The following LGR5 variants were observed in gnomAD, a reference collection of about 807,000 sequenced individuals.
The protein encoded by LGR5 is leucine-rich repeat-containing G protein-coupled receptor 5.
LGR5 carries 54 observed loss-of-function variants against 76.7 expected under a neutral mutation model. That is an observed-to-expected ratio of 0.70 (90% CI 0.57 to 0.88). The LOEUF is 0.88. Ranked by LOEUF, LGR5 falls within the 40% of genes least tolerant of loss-of-function variation. The pLI, the probability that LGR5 is intolerant of heterozygous loss-of-function variation, is 0.00. For missense variants in LGR5, 1,078 were observed against 1,073.3 expected, an observed-to-expected ratio of 1.00 and a Z score of -0.06; for synonymous variants, 406 against 421.9, an observed-to-expected ratio of 0.96 and a Z score of 0.46.
chr12:71,493,780 T>TC, intron 1 of LGR5, among the ~76,000 whole-genome samples: 1 of 148,474 alleles, frequency 6.7e-6, no homozygotes, highest in South Asian at 2.1e-4. Context: ...CTTTTTTTTT[T>TC]TTTTTCGAGA....
At chr12:71,455,280 A>C (rs1261532954) in intron 1 of LGR5, among the ~76,000 whole-genome samples, 1 of 152,144 alleles carries the variant, frequency 6.6e-6, no homozygotes, top group Non-Finnish European at 1.5e-5. Flanking sequence ...TCCCTGCCTC[A>C]ATTTTTGTAT....
intron 2 of LGR5, among the ~76,000 whole-genome samples, chr12:71,509,230 T>C (rs17227160): frequency 0.092 from 14,062 of 152,216 alleles, 695 homozygotes; most frequent in Non-Finnish European, 0.11. Context: ...GTCTGCCTTT[T>C]AAGGTGTTTC....
chr12:71,558,600 CT>C (rs1358711863), intron 6 of LGR5, among the ~76,000 whole-genome samples: 1 of 152,198 alleles, frequency 6.6e-6, no homozygotes, highest in Non-Finnish European at 1.5e-5. Flanking sequence ...TGCAGTATAG[CT>C]TAAGGATGGT....
chr12:71,545,704 A>G (rs1877121735), intron 4 of LGR5, among the ~76,000 whole-genome samples: 1 of 152,066 alleles, frequency 6.6e-6, no homozygotes, highest in African/African-American at 2.4e-5. Flanking sequence ...TTTACTTCTT[A>G]TAGTTAATGG....
intron 2 of LGR5, among the ~76,000 whole-genome samples, chr12:71,519,156 C>A (rs928580142): frequency 2.0e-5 from 3 of 152,106 alleles, no homozygotes; most frequent in Admixed American, 1.3e-4. Context: ...TCCAGCCATG[C>A]TCGCCTCCTT....
At position 71,561,849 on chromosome 12, in the gene LGR5, C is replaced by G; in HGVS notation, c.854C>G (p.Thr285Arg). The change falls in exon 8 of 18, where the codon ACA becomes AGA. Residue 285 changes from threonine to arginine, a missense_variant. Physicochemically the swap from Thr to Arg is moderately conservative, Grantham distance 71 (BLOSUM62 -1). Coordinates refer to ENST00000266674, the MANE Select transcript of LGR5 (RefSeq NM_003667.4). ...TTTGTAGGCAACCCTTCTCTTATTA[C>G]AATGTAAGTGACCATAATGCTTTTC... ...KAFVGNPSLITIHFYDNPIQF... is the reference protein window; with the variant it reads ...KAFVGNPSLIRIHFYDNPIQF... 6.3e-7 allele frequency: 1 copy of G among 1,577,984 alleles called. No homozygotes were observed. Among genetic ancestry groups the G allele is most frequent in the Non-Finnish European group, 8.7e-7 (1 of 1,149,466 alleles).
intron 2 of LGR5, among the ~76,000 whole-genome samples, chr12:71,521,962 A>G (rs1479453906): frequency 6.6e-6 from 1 of 152,218 alleles, no homozygotes; most frequent in Non-Finnish European, 1.5e-5. Flanking sequence ...GAGCTGTCCA[A>G]ATGCTTTCCA....
chr12:71,577,003 C>G (rs1373357075), intron 13 of LGR5, among the ~76,000 whole-genome samples: 1 of 152,110 alleles, frequency 6.6e-6, no homozygotes, highest in Non-Finnish European at 1.5e-5. Context: ...CAGTTTCCTC[C>G]AGGAAAGGAG....
chr12:71,548,474 T>A (rs1877311111), intron 4 of LGR5, among the ~76,000 whole-genome samples: 1 of 152,196 alleles, frequency 6.6e-6, no homozygotes, highest in South Asian at 2.1e-4. Flanking sequence ...TGAAATTCAC[T>A]GACAATCCAG....
intron 1 of LGR5, among the ~76,000 whole-genome samples, chr12:71,496,354 G>T (rs1874315889): frequency 8.6e-6 from 1 of 116,508 alleles, no homozygotes; most frequent in Non-Finnish European, 1.6e-5. Context: ...GGCAACAGAG[G>T]AAGACTCCAT....
chr12:71,580,554 G>T (rs1879048573), intron 16 of LGR5, 131 bp downstream of exon 16: 1 of 870,014 alleles, frequency 1.1e-6, no homozygotes, highest in Admixed American at 2.5e-5. Context: ...CCAACAGTTT[G>T]GGAGGCCGAG....
At chr12:71,558,505 T>A (rs542744570) in intron 6 of LGR5, among the ~76,000 whole-genome samples, 19 of 152,354 alleles carry the variant, frequency 1.2e-4, no homozygotes, top group African/African-American at 4.3e-4. Flanking sequence ...AAGGGTCCAA[T>A]CCTTGTTTAA....
chr12:71,583,749 C>T lies in LGR5; in HGVS notation c.1739C>T (p.Ser580Leu), dbSNP rs1308137441. ...LALTCNALVTSTVFRSPLYIS... is the reference protein window; with the variant it reads ...LALTCNALVTLTVFRSPLYIS... ...CTTACTTGTAATGCTTTGGTGACTT[C>T]AACAGTTTTCAGATCCCCTCTGTAC... Residue 580 changes from serine (S) to leucine (L), a missense_variant, in exon 18 of 18, where the codon TCA (serine) becomes TTA (leucine). By Grantham distance (145) the Ser-to-Leu change is moderately radical. Transcript: ENST00000266674. 4 of 1,613,990 alleles carry T rather than the reference C, an allele frequency of 2.5e-6. No individual in the cohort carries two copies. The highest frequency in any genetic ancestry group is 3.4e-6 in the Non-Finnish European group (4 of 1,180,046).
At chr12:71,554,696 A>G (rs555344544) in intron 5 of LGR5, among the ~76,000 whole-genome samples, 1 of 152,258 alleles carries the variant, frequency 6.6e-6, no homozygotes, top group East Asian at 1.9e-4. Context: ...GTTAGGTCAG[A>G]TCTCTTTCAT....
At chr12:71,498,085 G>A (rs1473870815) in intron 1 of LGR5, among the ~76,000 whole-genome samples, 1 of 152,150 alleles carries the variant, frequency 6.6e-6, no homozygotes, top group Non-Finnish European at 1.5e-5. Context: ...AGGAGAAGCA[G>A]CAGTTAGTGG....
intron 17 of LGR5, chr12:71,583,324 A>G: frequency 3.9e-6 from 1 of 256,212 alleles, no homozygotes; most frequent in Admixed American, 4.8e-5. Context: ...ATATAATGAA[A>G]AGTCCAGGAG....
chr12:71,583,307 A>G (rs1879171134), intron 17 of LGR5: 1 of 221,944 alleles, frequency 4.5e-6, no homozygotes, highest in African/African-American at 2.3e-5. Context: ...AAATATTCTG[A>G]AAACTTATAT....
chr12:71,560,330 T>A (rs562605924), intron 7 of LGR5, among the ~76,000 whole-genome samples: 19 of 152,326 alleles, frequency 1.2e-4, no homozygotes, highest in Admixed American at 5.9e-4. Context: ...ATTTAAAAAA[T>A]TCTAAGAAAC....
At chr12:71,498,028 AAG>A (rs1874412829) in intron 1 of LGR5, among the ~76,000 whole-genome samples, 1 of 152,200 alleles carries the variant, frequency 6.6e-6, no homozygotes, top group African/African-American at 2.4e-5. Flanking sequence ...AATAAGAAGA[AAG>A]AGAAAAGAAG....
Sources: allele counts gnomAD v4.1 joint callset (sites outside exome capture counted in the v4.1 genomes callset), GRCh38; gene constraint gnomAD v4.1.1; transcripts MANE v1.5; gene names NCBI Gene and HGNC (gene_info 2026-07-23, HGNC 2026-07-21).